The following TLE4 variants were observed in gnomAD, a reference collection of about 807,000 sequenced individuals.
The protein encoded by TLE4 is TLE family member 4, transcriptional corepressor, also known as transducin-like enhancer protein 4.
In TLE4, 8 loss-of-function variants were observed where a neutral mutation model predicts 92.8. That is an observed-to-expected ratio of 0.09 (90% confidence interval 0.05 to 0.16). The LOEUF is 0.16. Among genes scored for constraint, TLE4 ranks in the 10% least tolerant of loss-of-function variants. TLE4 has a pLI of 1.00. For synonymous variants in TLE4, 371 were observed against 374.1 expected (o/e 0.99, Z 0.10); for missense variants, 675 against 997.6 (o/e 0.68, Z 4.36).
intron 6 of TLE4, among the ~76,000 whole-genome samples, chr9:79,651,903 C>A (rs576284336): frequency 6.6e-6 from 1 of 152,002 alleles, no homozygotes; most frequent in Non-Finnish European, 1.5e-5. Context: ...CAGTTACTCA[C>A]GTATATGTTT....
At chr9:79,655,588 T>C (rs2059666500) in intron 8 of TLE4, among the ~76,000 whole-genome samples, 1 of 152,246 alleles carries the variant, frequency 6.6e-6, no homozygotes, top group Non-Finnish European at 1.5e-5. Flanking sequence ...ACACATTGAA[T>C]TATTTAATTA....
intron 8 of TLE4, among the ~76,000 whole-genome samples, chr9:79,682,898 C>A (rs938210721): frequency 3.3e-5 from 5 of 152,250 alleles, no homozygotes; most frequent in African/African-American, 9.6e-5. Flanking sequence ...TGACAGTCTT[C>A]AGGTTATAAA....
chr9:79,705,958 CT>C lies in TLE4; in HGVS notation c.783+19del. The C allele has an allele frequency of 6.2e-7, 1 of 1,612,824 alleles. No homozygotes were observed. Among genetic ancestry groups the C allele is most frequent in the Non-Finnish European group, 8.5e-7 (1 of 1,179,658 alleles). On this transcript the variant is annotated intron_variant, in intron 10 of 19. Transcript: ENST00000376552. ...TTCCAATGAGGTATGTTTGTGGCTA[CT>C]TTAATTTTTTGCACTTGCCCAGCCA...
rs1352795694 is a variant in TLE4 at position 79,623,684 on chromosome 9, C to T, written c.316-3690C>T. Among the ~76,000 whole-genome samples the T allele has an allele frequency of 4.0e-5, 6 of 148,176 alleles. No homozygotes were observed. In the East Asian group the frequency reaches 1.2e-3, roughly 30 times the overall value. ...TAACTTTACAGAGTCGTATAACCAT[C>T]ACCACAATCTAAGGGTTTTTTTTTT... On this transcript the variant is annotated intron_variant, in intron 5 of 19. Transcript: ENST00000376552.
chr9:79,601,388 T>C, intron 4 of TLE4: 1 of 456,762 alleles, frequency 2.2e-6, no homozygotes, highest in South Asian at 1.5e-5. Context: ...CTTGTTTTAC[T>C]GGGTCTTGCT....
intron 18 of TLE4, 109 bp downstream of exon 18, chr9:79,722,710 C>G (rs2136281769): frequency 7.4e-7 from 1 of 1,358,844 alleles, no homozygotes; most frequent in Admixed American, 2.2e-5. Context: ...TGCCCCTCTT[C>G]AGAATTCTAT....
intron 8 of TLE4, chr9:79,671,377 G>A (rs914121010): frequency 9.8e-6 from 4 of 407,094 alleles, no homozygotes; most frequent in Middle Eastern, 7.0e-4. Flanking sequence ...AGCTCAACGA[G>A]TGGCCCGAGG....
At chr9:79,667,834 A>T (rs2061651626) in intron 8 of TLE4, among the ~76,000 whole-genome samples, 1 of 152,180 alleles carries the variant, frequency 6.6e-6, no homozygotes, top group Non-Finnish European at 1.5e-5. Flanking sequence ...AGTCATGAAG[A>T]TTCGAGATTC....
intron 1 of TLE4, chr9:79,573,326 G>A (rs768356972): frequency 1.9e-6 from 2 of 1,068,850 alleles, no homozygotes; most frequent in Non-Finnish European, 2.3e-6. Context: ...ACCGCAGCCC[G>A]ACGCCATGGC....
In TLE4 at chr9:79,725,226, A is replaced by G; in HGVS notation, c.*82A>G. The stretch of plus-strand genomic sequence containing the variant: ...CCTTTTTGTTCACCCCCATCCCCGC[A>G]TCTAAAACCAAGGATTTCAGATACT... On this transcript the variant is annotated 3_prime_UTR_variant, in exon 20 of 20. Coordinates refer to ENST00000376552, the MANE Select transcript of TLE4 (RefSeq NM_007005.6). 7.4e-6 allele frequency: 7 copies of G among 948,640 alleles called. No individual in the cohort carries two copies. The highest frequency in any genetic ancestry group is 1.2e-5 in the Non-Finnish European group (7 of 606,906). 58.8% of individuals were successfully genotyped at this position (948,640 alleles called of 1,614,324 possible).
chr9:79,677,008 T>A (rs368052973), intron 8 of TLE4, among the ~76,000 whole-genome samples: 37 of 152,240 alleles, frequency 2.4e-4, no homozygotes, highest in African/African-American at 8.7e-4. Context: ...CATAGTATTA[T>A]GGAAGGTATA....
chr9:79,710,796 A>G (rs941394647), intron 14 of TLE4, among the ~76,000 whole-genome samples: 1 of 152,114 alleles, frequency 6.6e-6, no homozygotes, highest in Non-Finnish European at 1.5e-5. Flanking sequence ...TATAGCCATT[A>G]TCTGCCTCTC....
chr9:79,717,341 C>G (rs2074708145), intron 14 of TLE4, among the ~76,000 whole-genome samples: 1 of 152,194 alleles, frequency 6.6e-6, no homozygotes, highest in African/African-American at 2.4e-5. Flanking sequence ...CAGCATCTCT[C>G]TCTCAGGTCA....
chr9:79,704,383 G>T (rs1234645127), intron 8 of TLE4, among the ~76,000 whole-genome samples: 1 of 152,144 alleles, frequency 6.6e-6, no homozygotes, highest in Non-Finnish European at 1.5e-5. Context: ...AAAGTACTGG[G>T]ATTACAGGTG....
chr9:79,618,698 G>A (rs1395034255), intron 5 of TLE4, among the ~76,000 whole-genome samples: 2 of 152,088 alleles, frequency 1.3e-5, no homozygotes, highest in Non-Finnish European at 1.5e-5. Context: ...AACAGAAGCC[G>A]AGCTGCTCAG....
chr9:79,576,782 G>C (rs2037926938), intron 4 of TLE4: 1 of 148,328 alleles, frequency 6.7e-6, no homozygotes. Context: ...ATTGGGTCTT[G>C]AAATCTAGCA....
At chr9:79,709,203 A>T in intron 13 of TLE4, among the ~76,000 whole-genome samples, 1 of 152,196 alleles carries the variant, frequency 6.6e-6, no homozygotes. Flanking sequence ...AAGTTAAGCT[A>T]CATGTGATTA....
At chr9:79,679,137 A>T (rs1259704971) in intron 8 of TLE4, among the ~76,000 whole-genome samples, 10 of 152,090 alleles carry the variant, frequency 6.6e-5, no homozygotes, top group Non-Finnish European at 1.5e-4. Flanking sequence ...GTATATACCC[A>T]GTAATGGGAT....
intron 4 of TLE4, among the ~76,000 whole-genome samples, chr9:79,600,354 T>C (rs570866753): frequency 4.6e-5 from 7 of 152,152 alleles, no homozygotes; most frequent in East Asian, 3.9e-4. Context: ...CAGTTTGTGG[T>C]TGGGGACTTG....
Sources: gnomAD v4.1 joint callset for allele counts (sites outside exome capture counted in the v4.1 genomes callset) on GRCh38, gnomAD v4.1.1 for gene constraint, MANE v1.5 for transcripts, NCBI Gene and HGNC (gene_info 2026-07-23, HGNC 2026-07-21) for gene names.